Variants in FAM193A observed in about 807,000 individuals in gnomAD.
The protein encoded by FAM193A is family with sequence similarity 193 member A.
In FAM193A, 22 loss-of-function variants were observed where a neutral mutation model predicts 126.5. The ratio of observed to expected loss-of-function variants is 0.17; its 90% CI spans 0.12 to 0.25. The LOEUF is 0.25. Among genes scored for constraint, FAM193A ranks in the 10% least tolerant of loss-of-function variants. FAM193A has a pLI of 1.00. For missense variants in FAM193A, 1,675 were observed against 1,672.8 expected (o/e 1.00, Z -0.02); for synonymous variants, 761 against 646.8 (o/e 1.18, Z -2.68).
At chr4:2,704,680 G>A (rs949066927) in intron 19 of FAM193A, among the ~76,000 whole-genome samples, 3 of 152,176 alleles carry the variant, frequency 2.0e-5, no homozygotes, top group Admixed American at 6.5e-5. Flanking sequence ...GCATCTGAGT[G>A]CCTGTTTGGC....
intron 12 of FAM193A, among the ~76,000 whole-genome samples, chr4:2,669,688 A>G (rs970797891): frequency 5.3e-5 from 8 of 152,366 alleles, no homozygotes; most frequent in African/African-American, 1.9e-4. Flanking sequence ...AGTGAGAGCT[A>G]CAGAGACACC....
At chr4:2,722,414 C>T (rs1720263573) in intron 20 of FAM193A, among the ~76,000 whole-genome samples, 1 of 152,186 alleles carries the variant, frequency 6.6e-6, no homozygotes, top group African/African-American at 2.4e-5. Context: ...GATTGGATTT[C>T]TTCCTTGAAT....
At chr4:2,725,241 T>TG (rs920178339) in intron 20 of FAM193A, among the ~76,000 whole-genome samples, 22 of 151,772 alleles carry the variant, frequency 1.4e-4, no homozygotes, top group African/African-American at 5.3e-4. Flanking sequence ...CACACACATA[T>TG]ATATGGTGCT....
At chr4:2,718,293 A>G (rs564547239) in intron 20 of FAM193A, among the ~76,000 whole-genome samples, 3 of 152,218 alleles carry the variant, frequency 2.0e-5, no homozygotes, top group Non-Finnish European at 4.4e-5. Context: ...AATAATAGAG[A>G]AAAAAAGACA....
intron 1 of FAM193A, among the ~76,000 whole-genome samples, chr4:2,590,033 G>A (rs1162656237): frequency 6.6e-6 from 1 of 151,830 alleles, no homozygotes; most frequent in Non-Finnish European, 1.5e-5. Flanking sequence ...TACTCAGGAG[G>A]CTGAGGCAGG....
At chr4:2,567,909 GTGCCTC>G in intron 1 of FAM193A, among the ~76,000 whole-genome samples, 1 of 152,128 alleles carries the variant, frequency 6.6e-6, no homozygotes, top group African/African-American at 2.4e-5. Flanking sequence ...CCATTACCCT[GTGCCTC>G]TGCAGGGGTG....
rs1716138209 is a variant in FAM193A at position 2,689,692 on chromosome 4, G to T, written c.2518G>T (p.Asp840Tyr). ...KNWNPGTFLPDTISGSEILGP... is the reference protein window; with the variant it reads ...KNWNPGTFLPYTISGSEILGP... ...CTGGAATCCTGGCACTTTCTTGCCA[G>T]ATACAATTTCTGGTAAGGAATTTGT... The change falls in exon 14 of 21, where the codon GAT becomes TAT. Residue 840 changes from aspartate (D) to tyrosine (Y), a missense_variant. This residue lies in a region of FAM193A where 1,186 missense variants were observed against 1,109.2 expected (regional missense o/e 1.07). Transcript: ENST00000637812. 1.3e-6 allele frequency: 2 copies of T among 1,569,244 alleles called. No individual in the cohort carries two copies. The highest frequency in any genetic ancestry group is 1.4e-5 in the African/African-American group (1 of 71,884).
Position 2,699,996 on chromosome 4 carries a change from A to C in FAM193A, c.3824A>C (p.His1275Pro). The change falls in exon 19 of 21, where the codon CAC becomes CCC. Residue 1275 changes from histidine to proline, a missense_variant. By Grantham distance (77) the His-to-Pro change is moderately conservative. This residue lies in a region of FAM193A where 415 missense variants were observed against 396.7 expected (regional missense o/e 1.05). Coordinates refer to ENST00000637812, the MANE Select transcript of FAM193A (RefSeq NM_001366318.2). ...EQTEEPETSSHSPSRHMNHSE... is the reference protein window; with the variant it reads ...EQTEEPETSSPSPSRHMNHSE... ...ACTGAAGAACCAGAAACCTCTTCTC[A>C]CTCCCCATCCAGGCATATGAACCAC... 1 of 1,613,266 alleles carries C rather than the reference A, an allele frequency of 6.2e-7. No individual in the cohort carries two copies. The highest frequency in any genetic ancestry group is 8.5e-7 in the Non-Finnish European group (1 of 1,179,868).
rs577779295 is a variant in FAM193A at position 2,595,652 on chromosome 4, C to G, written c.256-432C>G. On this transcript the variant is annotated intron_variant, in intron 1 of 20. Transcript: ENST00000637812. ...TTGAATCTGGAATTTGGACAGCCGA[C>G]CTCAAAGATGGTTTGCATCTGCAGA... Among the ~76,000 whole-genome samples the G allele has an allele frequency of 1.2e-4, 19 of 152,316 alleles. 1 individual carries two copies. Among genetic ancestry groups the G allele is most frequent in the Admixed American group, 1.1e-3 (17 of 15,302 alleles).
At chr4:2,640,153 G>A (rs901340509) in intron 6 of FAM193A, among the ~76,000 whole-genome samples, 1 of 152,154 alleles carries the variant, frequency 6.6e-6, no homozygotes, top group Non-Finnish European at 1.5e-5. Context: ...TCCTTGGCCG[G>A]GCAGCTGTGG....
chr4:2,650,738 T>C (rs1327885154), intron 7 of FAM193A, among the ~76,000 whole-genome samples: 1 of 152,112 alleles, frequency 6.6e-6, no homozygotes, highest in Non-Finnish European at 1.5e-5. Flanking sequence ...CATTAGGTCA[T>C]TGAAACCTCC....
intron 13 of FAM193A, among the ~76,000 whole-genome samples, chr4:2,672,800 C>G (rs1469560807): frequency 6.6e-6 from 1 of 152,248 alleles, no homozygotes; most frequent in African/African-American, 2.4e-5. Flanking sequence ...TCTAAAATGT[C>G]TATGCTGCTT....
At position 2,689,553 on chromosome 4, in the gene FAM193A, A is replaced by G; in HGVS notation, c.2379A>G (p.Val793=). ...AGAATCACACAAATAAGCATCAGGT[A>G]TTCAATGCATCTCTTCAAGACCATA... ...PVQNHTNKHQ[V]FNASLQDHIY... The change falls in exon 14 of 21, where the codon GTA becomes GTG. Residue 793 remains valine (V), a synonymous_variant. Transcript: ENST00000637812. 2 of 1,547,392 alleles carry G rather than the reference A, an allele frequency of 1.3e-6. No homozygotes were observed. The highest frequency in any genetic ancestry group is 1.7e-6 in the Non-Finnish European group (2 of 1,158,250).
intron 1 of FAM193A, among the ~76,000 whole-genome samples, chr4:2,581,798 C>T (rs1284440901): frequency 1.3e-5 from 2 of 151,682 alleles, no homozygotes; most frequent in African/African-American, 2.4e-5. Context: ...GGACTACAGG[C>T]CCCCGCCACC....
At chr4:2,591,908 C>T (rs921501846) in intron 1 of FAM193A, among the ~76,000 whole-genome samples, 4 of 152,024 alleles carry the variant, frequency 2.6e-5, no homozygotes, top group Non-Finnish European at 5.9e-5. Flanking sequence ...AGTAGTGTTC[C>T]CAAAGTGTTT....
chr4:2,588,397 A>G (rs1740352946), intron 1 of FAM193A, among the ~76,000 whole-genome samples: 2 of 152,280 alleles, frequency 1.3e-5, no homozygotes, highest in South Asian at 4.2e-4. Context: ...TATGGGAAGG[A>G]GAGGATTCTA....
At chr4:2,566,087 G>T (rs923548394) in intron 1 of FAM193A, among the ~76,000 whole-genome samples, 2 of 149,336 alleles carry the variant, frequency 1.3e-5, no homozygotes, top group African/African-American at 5.0e-5. Flanking sequence ...TCGCTCTGTC[G>T]CCCAGACTGG....
chr4:2,541,434 GTTCA>G (rs1737225637), intron 1 of FAM193A, among the ~76,000 whole-genome samples: 2 of 149,930 alleles, frequency 1.3e-5, no homozygotes, highest in South Asian at 2.1e-4. Context: ...CACAGAATTA[GTTCA>G]TTGTGTACTT....
Position 2,578,907 on chromosome 4 carries a change from T to C in FAM193A, c.256-17177T>C, listed in dbSNP as rs138862736. ...GAGGAGGAGGCGGAAGAGGAGAGGT[T>C]GGTCTTGCTGTTTCAGGGGTGTCAG... On this transcript the variant is annotated intron_variant, in intron 1 of 20. Transcript: ENST00000637812. Among the ~76,000 whole-genome samples, 602 of 152,030 alleles carry C rather than the reference T, an allele frequency of 4.0e-3. 5 individuals carry two copies. The highest frequency in any genetic ancestry group is 0.014 in the African/African-American group (582 of 41,462).
Sources: allele counts gnomAD v4.1 joint callset (sites outside exome capture counted in the v4.1 genomes callset), GRCh38; gene constraint gnomAD v4.1.1; regional missense constraint gnomAD v4.1.1; transcripts MANE v1.5; gene names NCBI Gene and HGNC (gene_info 2026-07-23, HGNC 2026-07-21).